ACADS: variants seen among roughly 807,000 people sequenced by gnomAD.
The protein encoded by ACADS is short-chain specific acyl-CoA dehydrogenase, mitochondrial.
Under a neutral mutation model 46.8 loss-of-function variants are expected in ACADS, and 28 were observed. That is an observed-to-expected ratio of 0.60 (90% CI 0.44 to 0.82). The LOEUF (loss-of-function observed/expected upper bound fraction) is 0.82. ACADS is among the 40% of genes least tolerant of loss of function. The pLI is 0.00. For synonymous variants in ACADS, 236 were observed against 237.7 expected, an observed-to-expected ratio of 0.99 and a Z score of 0.07; for missense variants, 528 against 578.0, an observed-to-expected ratio of 0.91 and a Z score of 0.89.
At chr12:120,736,494 CTCAGCGAGGCTGGGGATGGCAGCCCAAA>C (rs1883440494) in intron 2 of ACADS, among the ~76,000 whole-genome samples, 2 of 152,202 alleles carry the variant, frequency 1.3e-5, no homozygotes, top group South Asian at 4.1e-4. Context: ...AAGGATTTGA[CTCAGCGAGGCTGGGGATGGCAGCCCAAA>C]GCAGCGAGGC....
chr12:120,729,788 C>G (rs1883197713), intron 2 of ACADS, among the ~76,000 whole-genome samples: 1 of 152,120 alleles, frequency 6.6e-6, no homozygotes, highest in South Asian at 2.1e-4. Flanking sequence ...GCCTGGGAAA[C>G]AGCCCCTGTC....
rs746708682 is a variant in ACADS at position 120,737,019 on chromosome 12, A to C, written c.244A>C (p.Met82Leu). The C allele has an allele frequency of 3.5e-5, 57 of 1,610,802 alleles. No individual in the cohort carries two copies. The highest frequency in any genetic ancestry group is 4.7e-5 in the Non-Finnish European group (55 of 1,179,006). Residue 82 changes from methionine (M) to leucine (L), a missense_variant, in exon 3 of 10, where the codon ATG (methionine) becomes CTG (leucine). Transcript: ENST00000242592. ...GATGGGCGGGCTTGGGCTTCTGGCC[A>C]TGGACGTGCCCGAGGAGCTTGGCGG... The part of the protein sequence containing the change: ...KKMGGLGLLA[M>L]DVPEELGGAG...
intron 2 of ACADS, among the ~76,000 whole-genome samples, chr12:120,735,319 T>C (rs1375011229): frequency 7.4e-6 from 1 of 134,298 alleles, no homozygotes; most frequent in African/African-American, 2.8e-5. Flanking sequence ...GTGCTGGGAT[T>C]ACAGGTGTGA....
At chr12:120,733,664 T>C (rs1332965155) in intron 2 of ACADS, among the ~76,000 whole-genome samples, 1 of 151,698 alleles carries the variant, frequency 6.6e-6, no homozygotes, top group Non-Finnish European at 1.5e-5. Context: ...CACAGAACAA[T>C]CTTCTTTTTA....
chr12:120,728,791 G>A lies in ACADS; in HGVS notation c.210+1602G>A, dbSNP rs978708218. Among the ~76,000 whole-genome samples, 1 of 152,134 alleles carries A rather than the reference G, an allele frequency of 6.6e-6. No individual in the cohort carries two copies. The highest frequency in any genetic ancestry group is 2.1e-4 in the South Asian group (1 of 4,826). On this transcript the variant is annotated intron_variant, in intron 2 of 9. Coordinates refer to ENST00000242592, the MANE Select transcript of ACADS (RefSeq NM_000017.4). The surrounding 1 kb of genome is among the most constrained non-coding windows in gnomAD (Gnocchi z 4.0). Reference sequence around the variant, plus strand: ...CAAAGTGCTGGGATTACAGGCGTGAGCCACCACACCCGGCCTTAAAAATGA... The same window carrying A: ...CAAAGTGCTGGGATTACAGGCGTGAACCACCACACCCGGCCTTAAAAATGA...
chr12:120,738,193 G>A (rs1388003792), intron 5 of ACADS, 87 bp from the exon 6 acceptor site: 2 of 1,602,930 alleles, frequency 1.2e-6, no homozygotes, highest in Non-Finnish European at 1.7e-6. Flanking sequence ...AGGGAGGTGG[G>A]GAGGGGACCG....
Position 120,728,104 on chromosome 12 carries a change from G to A in ACADS, c.210+915G>A, listed in dbSNP as rs1300678064. Among the ~76,000 whole-genome samples the A allele has an allele frequency of 7.9e-5, 12 of 151,572 alleles. No homozygotes were observed. Among genetic ancestry groups the A allele is most frequent in the South Asian group, 2.1e-4 (1 of 4,800 alleles). On this transcript the variant is annotated intron_variant, in intron 2 of 9. Transcript: ENST00000242592. The surrounding 1 kb of genome is among the most constrained non-coding windows in gnomAD (Gnocchi z 4.0). ...TGGGATTACAGGCGGGCACCACCAC[G>A]CCCAGCTAGTTTTTGTACTTTCAGT...
At chr12:120,734,442 G>A (rs376861742) in intron 2 of ACADS, among the ~76,000 whole-genome samples, 1 of 152,182 alleles carries the variant, frequency 6.6e-6, no homozygotes, top group African/African-American at 2.4e-5. Flanking sequence ...CATGTGGTAC[G>A]TGTGGGAGAC....
intron 2 of ACADS, among the ~76,000 whole-genome samples, chr12:120,734,218 A>C (rs1220455348): frequency 6.6e-6 from 1 of 152,178 alleles, no homozygotes; most frequent in Non-Finnish European, 1.5e-5. Flanking sequence ...CAAAGTCCCT[A>C]TTGCCACGGA....
rs1187136978 is a variant in ACADS at position 120,739,470 on chromosome 12, G to A, written c.*22G>A. 1.3e-6 allele frequency: 2 copies of A among 1,599,242 alleles called. No homozygotes were observed. Among genetic ancestry groups the A allele is most frequent in the Non-Finnish European group, 1.7e-6 (2 of 1,176,392 alleles). ...CTGAGCCCGCGGCGGACTGCCCCAG[G>A]ACTGCGGGAAGGCGCGGGAGCCAGG... is the stretch of plus-strand genomic sequence containing the variant. On this transcript the variant is annotated 3_prime_UTR_variant, in exon 10 of 10. Transcript: ENST00000242592.
intron 2 of ACADS, among the ~76,000 whole-genome samples, chr12:120,731,213 C>T (rs1039169443): frequency 6.6e-6 from 1 of 152,168 alleles, no homozygotes; most frequent in African/African-American, 2.4e-5. Flanking sequence ...GATCCTCCTA[C>T]CTCCGTCTCC....
At chr12:120,735,271 CAAAAAAAAAAA>C (rs71076650) in intron 2 of ACADS, among the ~76,000 whole-genome samples, 2 of 55,652 alleles carry the variant, frequency 3.6e-5, no homozygotes, top group Admixed American at 2.1e-4. Flanking sequence ...GACTCTGTTT[CAAAAAAAAAAA>C]AAAAAAAGAA....
At chr12:120,729,291 T>C (rs1172734999) in intron 2 of ACADS, among the ~76,000 whole-genome samples, 1 of 148,432 alleles carries the variant, frequency 6.7e-6, no homozygotes, top group Non-Finnish European at 1.5e-5. Context: ...GGAGTCTCAC[T>C]CTGTCCCCCA....
rs368572195 is a variant in ACADS, at chr12:120,739,227, C to T, written c.1086+31C>T. On this transcript the variant is annotated intron_variant, in intron 9 of 9. Transcript: ENST00000242592. ...TGTCCACAGTGAGCTCTGAGGGGGCCAGCTGCCCCTTCTCCAGCTTTCCCC... is the reference window on the plus strand; with the variant it reads ...TGTCCACAGTGAGCTCTGAGGGGGCTAGCTGCCCCTTCTCCAGCTTTCCCC... 10 of 1,612,868 alleles carry T rather than the reference C, an allele frequency of 6.2e-6. No individual in the cohort carries two copies. In the African/African-American group the frequency reaches 1.3e-4, roughly 22 times the overall value.
In ACADS at chr12:120,738,363, A is replaced by G; in HGVS notation, c.708A>G (p.Ser236=). Residue 236 remains serine, a synonymous_variant, in exon 6 of 10, where the codon TCA becomes TCG. Transcript: ENST00000242592. ...KKEDKLGIRG[S]STANLIFEDC... ...AAGACAAGCTGGGCATCCGGGGCTC[A>G]TCCACGGCCAACCTCATCTTTGAGG... The G allele has an allele frequency of 6.2e-7, 1 of 1,614,178 alleles. No individual in the cohort carries two copies. The highest frequency in any genetic ancestry group is 8.5e-7 in the Non-Finnish European group (1 of 1,180,038).
rs773245211 is a variant in ACADS at position 120,737,075 on chromosome 12, C to T, written c.300C>T (p.Ile100=). The change falls in exon 3 of 10, where the codon ATC becomes ATT. Residue 100 remains isoleucine, a synonymous_variant. Coordinates refer to ENST00000242592, the MANE Select transcript of ACADS (RefSeq NM_000017.4). The part of the protein sequence containing the change: ...GAGLDYLAYA[I]AMEEISRGCA... The stretch of plus-strand genomic sequence containing the variant: ...GCCTCGATTACCTGGCCTACGCCAT[C>T]GCCATGGAGGAGATCAGCCGTGGCT... 7 of 1,603,014 alleles carry T rather than the reference C, an allele frequency of 4.4e-6. No individual in the cohort carries two copies. Among genetic ancestry groups the T allele is most frequent in the South Asian group, 3.4e-5 (3 of 88,916 alleles).
At position 120,738,913 on chromosome 12, in the gene ACADS, A is replaced by C. The variant is rs1359336773; in HGVS notation, c.1027A>C (p.Lys343Gln). 4 of 1,613,494 alleles carry C rather than the reference A, an allele frequency of 2.5e-6. No individual in the cohort carries two copies. The highest frequency in any genetic ancestry group is 3.4e-6 in the Non-Finnish European group (4 of 1,180,006). Residue 343 changes from lysine (K) to glutamine (Q), a missense_variant and splice_region_variant, in exon 8 of 10, where the codon AAG becomes CAG. Physicochemically the swap from Lys to Gln is moderately conservative, Grantham distance 53. Coordinates refer to ENST00000242592, the MANE Select transcript of ACADS (RefSeq NM_000017.4). ...MLKDNKKPFIKEAAMAKLAAS... is the reference protein window; with the variant it reads ...MLKDNKKPFIQEAAMAKLAAS... ...GAAGGATAACAAGAAGCCTTTCATC[A>C]AGGTGCCCACAGGGGTCCCCGAGCC...
In ACADS at chr12:120,737,555, G is replaced by T; in HGVS notation, c.472+88G>T. 4 of 1,268,298 alleles carry T rather than the reference G, an allele frequency of 3.2e-6. No homozygotes were observed. The East Asian group carries it at 7.1e-5, about 23-fold the overall frequency. 78.6% of individuals were successfully genotyped at this position (1,268,298 alleles called of 1,614,324 possible). On this transcript the variant is annotated intron_variant, in intron 4 of 9. Coordinates refer to ENST00000242592, the MANE Select transcript of ACADS (RefSeq NM_000017.4). ...TGCTAGGCCAACTGCCCACTGCTTCGGAGGCCAGAGGGGAGGCTCCCCGTG... is the reference window on the plus strand; with the variant it reads ...TGCTAGGCCAACTGCCCACTGCTTCTGAGGCCAGAGGGGAGGCTCCCCGTG...
Position 120,725,921 on chromosome 12 carries a change from T to G in ACADS, c.36T>G (p.Pro12=), listed in dbSNP as rs1204157490. The change falls in exon 1 of 10, where the codon CCT becomes CCG. Residue 12 remains proline, a synonymous_variant. Transcript: ENST00000242592. The part of the protein sequence containing the change: ...AAALLARASG[P]ARRALCPRAW... ...CGCTGCTCGCCCGGGCCTCGGGCCC[T>G]GCCCGCAGAGGTGAGTGCGCTGGGG... is the stretch of plus-strand genomic sequence containing the variant. 1 of 1,555,174 alleles carries G rather than the reference T, an allele frequency of 6.4e-7. No individual in the cohort carries two copies. The highest frequency in any genetic ancestry group is 8.6e-7 in the Non-Finnish European group (1 of 1,159,968).
Sources: gnomAD v4.1 joint callset for allele counts (sites outside exome capture counted in the v4.1 genomes callset) on GRCh38, gnomAD v4.1.1 for gene constraint, Gnocchi (gnomAD v3.1) non-coding constraint, MANE v1.5 for transcripts, NCBI Gene and HGNC (gene_info 2026-07-23, HGNC 2026-07-21) for gene names.